The following UPB1 variants were observed in gnomAD, a reference collection of about 807,000 sequenced individuals.
UPB1 encodes beta-ureidopropionase.
In UPB1, 40 loss-of-function variants were observed where a neutral mutation model predicts 49.1. The ratio of observed to expected loss-of-function variants is 0.81; its 90% CI spans 0.63 to 1.06. The LOEUF is 1.06. Ranked by LOEUF, UPB1 falls within the 50% of genes least tolerant of loss-of-function variation. The probability of loss-of-function intolerance (pLI) is 0.00; values close to 1 mark genes in which losing one functional copy is unlikely to be tolerated. For missense variants in UPB1, 499 were observed against 505.9 expected, an observed-to-expected ratio of 0.99 and a Z score of 0.13; for synonymous variants, 207 against 198.2, an observed-to-expected ratio of 1.04 and a Z score of -0.38.
chr22:24,507,581 G>C (rs928657622), intron 3 of UPB1, among the ~76,000 whole-genome samples: 14 of 152,246 alleles, frequency 9.2e-5, no homozygotes, highest in African/African-American at 3.1e-4. Flanking sequence ...AGGAGTAAAA[G>C]GAATAAAGGA....
At position 24,516,252 on chromosome 22, in the gene UPB1, A is replaced by G. The variant is rs184265454; in HGVS notation, c.791+882A>G. On this transcript the variant is annotated intron_variant, in intron 6 of 9. Transcript: ENST00000326010. ...GTGTTTCGGTGTTAGCCTCACCCCT[A>G]AACAGATAGAACTGCCCTTGTCAAG... Among the ~76,000 whole-genome samples the G allele has an allele frequency of 7.9e-5, 12 of 152,254 alleles. No individual in the cohort carries two copies. The East Asian group carries it at 2.1e-3, about 27-fold the overall frequency.
At position 24,510,943 on chromosome 22, in the gene UPB1, C is replaced by G. The variant is rs914360653; in HGVS notation, c.459+100C>G. 2.4e-6 allele frequency: 3 copies of G among 1,225,802 alleles called. No individual in the cohort carries two copies. The African/African-American group carries it at 4.5e-5, about 18-fold the overall frequency. The allele number at this position is 1,225,802 out of a possible 1,614,324, so 75.9% of individuals were successfully genotyped here. A position where few individuals can be genotyped will look rare whatever the true frequency, so the allele number is the denominator to read the frequency against. On this transcript the variant is annotated intron_variant, in intron 4 of 9. Coordinates refer to ENST00000326010, the MANE Select transcript of UPB1 (RefSeq NM_016327.3). ...GTTTGGCCTTTCACCATGGAAAATG[C>G]ACCCATTTGGTGCTTGTTTTGCCAG...
At chr22:24,497,827 G>T (rs1398856577) in intron 1 of UPB1, among the ~76,000 whole-genome samples, 1 of 152,184 alleles carries the variant, frequency 6.6e-6, no homozygotes, top group African/African-American at 2.4e-5. Flanking sequence ...AGAAAAAGGA[G>T]AAGGGTCTGT....
At chr22:24,496,928 C>T (rs1162546442) in intron 1 of UPB1, among the ~76,000 whole-genome samples, 1 of 152,068 alleles carries the variant, frequency 6.6e-6, no homozygotes, top group Non-Finnish European at 1.5e-5. Context: ...GGAGGTAAGG[C>T]CTGAGCTGAG....
At chr22:24,512,098 G>A (rs958803848) in intron 4 of UPB1, among the ~76,000 whole-genome samples, 1 of 151,824 alleles carries the variant, frequency 6.6e-6, no homozygotes, top group Non-Finnish European at 1.5e-5. Flanking sequence ...TCAATACTCA[G>A]TTGTGATTCC....
intron 7 of UPB1, 43 bp downstream of exon 7, chr22:24,520,511 T>G (rs759516839): frequency 6.2e-7 from 1 of 1,604,218 alleles, no homozygotes; most frequent in East Asian, 2.3e-5. Flanking sequence ...CACCACCTGG[T>G]GGCTCTGGTG....
At chr22:24,502,249 C>T in intron 3 of UPB1, 36 bp downstream of exon 3, 1 of 1,591,688 alleles carries the variant, frequency 6.3e-7, no homozygotes. Context: ...CTGCTGCCTT[C>T]AAACAATTGT....
rs187061567 is a variant in UPB1 at position 24,498,516 on chromosome 22, G to A, written c.105-1591G>A. Among the ~76,000 whole-genome samples the A allele has an allele frequency of 4.3e-4, 65 of 152,322 alleles. 1 individual carries two copies. Among genetic ancestry groups the A allele is most frequent in the African/African-American group, 1.5e-3 (62 of 41,564 alleles). On this transcript the variant is annotated intron_variant, in intron 1 of 9. Transcript: ENST00000326010. ...GGCTGGGAGGAGGTAGAGCCCCAAA[G>A]GTGGCTGTCCTGGAGGGTGGAGCGG...
intron 6 of UPB1, 112 bp downstream of exon 6, chr22:24,515,482 TAACAG>T: frequency 7.0e-7 from 1 of 1,433,882 alleles, no homozygotes; most frequent in Non-Finnish European, 9.7e-7. Context: ...ACCAGGATGT[TAACAG>T]AGCTGAGCCC....
intron 2 of UPB1, among the ~76,000 whole-genome samples, chr22:24,501,267 C>A (rs2097862829): frequency 6.6e-6 from 1 of 152,204 alleles, no homozygotes; most frequent in Non-Finnish European, 1.5e-5. Flanking sequence ...AAGGAGGAGA[C>A]TATAGGCCTT....
At chr22:24,512,836 G>T (rs2044230184) in intron 4 of UPB1, among the ~76,000 whole-genome samples, 1 of 152,130 alleles carries the variant, frequency 6.6e-6, no homozygotes, top group Admixed American at 6.5e-5. Flanking sequence ...TATCATCAAG[G>T]TTCATCCATG....
chr22:24,521,854 A>G, intron 7 of UPB1, 132 bp from the exon 8 acceptor site: 1 of 905,792 alleles, frequency 1.1e-6, no homozygotes, highest in African/African-American at 1.6e-5. Context: ...AGACCATTCC[A>G]GCTCACCTTA....
intron 6 of UPB1, among the ~76,000 whole-genome samples, chr22:24,515,805 GTC>G (rs2147030782): frequency 6.6e-6 from 1 of 152,198 alleles, no homozygotes; most frequent in Admixed American, 6.5e-5. Context: ...GTGAAACCCT[GTC>G]TCTACTAAAA....
At position 24,513,353 on chromosome 22, in the gene UPB1, G is replaced by A. The variant is rs1434481475; in HGVS notation, c.489G>A (p.Val163=). ...KLAKNHDMVV[V]SPILERDSEH... ...CGAAGAACCATGACATGGTGGTGGT[G>A]TCTCCCATCCTGGAACGAGACAGCG... Residue 163 remains valine (V), a synonymous_variant, in exon 5 of 10, where the codon GTG becomes GTA. Transcript: ENST00000326010. The A allele has an allele frequency of 1.2e-5, 19 of 1,614,158 alleles. No individual in the cohort carries two copies. The highest frequency in any genetic ancestry group is 1.6e-5 in the Non-Finnish European group (19 of 1,180,032).
At chr22:24,500,009 C>A in intron 1 of UPB1, 98 bp from the exon 2 acceptor site, 1 of 1,586,096 alleles carries the variant, frequency 6.3e-7, no homozygotes, top group Non-Finnish European at 8.6e-7. Flanking sequence ...ACATCCTCAC[C>A]TCTTTGGCTG....
chr22:24,507,619 G>C (rs1204796505), intron 3 of UPB1, among the ~76,000 whole-genome samples: 1 of 152,176 alleles, frequency 6.6e-6, no homozygotes, highest in Admixed American at 6.5e-5. Flanking sequence ...AAATTTTCCT[G>C]TAATAAGAAG....
intron 4 of UPB1, among the ~76,000 whole-genome samples, chr22:24,511,235 G>GTGTC (rs2044196220): frequency 6.6e-6 from 1 of 152,182 alleles, no homozygotes; most frequent in African/African-American, 2.4e-5. Flanking sequence ...TGCATGGCCT[G>GTGTC]TGTCTCATCA....
At chr22:24,515,074 C>G in intron 5 of UPB1, 127 bp from the exon 6 acceptor site, 1 of 1,244,114 alleles carries the variant, frequency 8.0e-7, no homozygotes, top group Non-Finnish European at 1.1e-6. Context: ...TATTGAAATT[C>G]TGGAACTTAG....
At chr22:24,496,019 T>A (rs760514162) in intron 1 of UPB1, among the ~76,000 whole-genome samples, 22 of 152,280 alleles carry the variant, frequency 1.4e-4, no homozygotes, top group Admixed American at 3.3e-4. Flanking sequence ...CCCTGCAAGC[T>A]TGTGCATCAC....
Sources: allele counts gnomAD v4.1 joint callset (sites outside exome capture counted in the v4.1 genomes callset), GRCh38; gene constraint gnomAD v4.1.1; transcripts MANE v1.5; gene names NCBI Gene and HGNC (gene_info 2026-07-23, HGNC 2026-07-21).